The following LUZP2 variants were observed in gnomAD, a reference collection of about 807,000 sequenced individuals.
LUZP2 encodes the protein leucine zipper protein 2.
A neutral mutation model predicts 51.6 loss-of-function variants in LUZP2; 52 were observed. The ratio of observed to expected loss-of-function variants is 1.01; its 90% CI spans 0.81 to 1.27. LUZP2 has a LOEUF of 1.27. Among genes scored for constraint, LUZP2 ranks in the 50% most tolerant of loss-of-function variants. The pLI, the probability that LUZP2 is intolerant of heterozygous loss-of-function variation, is 0.00. For missense variants in LUZP2, 436 were observed against 395.4 expected, an observed-to-expected ratio of 1.10 and a Z score of -0.87; for synonymous variants, 154 against 137.3, an observed-to-expected ratio of 1.12 and a Z score of -0.85.
chr11:24,911,528 C>T (rs566762263), intron 6 of LUZP2, among the ~76,000 whole-genome samples: 33 of 152,086 alleles, frequency 2.2e-4, no homozygotes, highest in Non-Finnish European at 3.5e-4. Context: ...AAGCATCTGG[C>T]ATTTCCCCTG....
intron 7 of LUZP2, among the ~76,000 whole-genome samples, chr11:24,951,172 G>A (rs1340192908): frequency 1.3e-5 from 2 of 151,460 alleles, no homozygotes; most frequent in African/African-American, 4.8e-5. Flanking sequence ...CTGAATGCTG[G>A]GTATCAGGTG....
chr11:24,853,038 T>C (rs368416542), intron 5 of LUZP2, among the ~76,000 whole-genome samples: 1 of 152,218 alleles, frequency 6.6e-6, no homozygotes, highest in Non-Finnish European at 1.5e-5. Context: ...TTTGGCAGTC[T>C]GTGTCTTTTA....
intron 1 of LUZP2, among the ~76,000 whole-genome samples, chr11:24,667,184 C>CTTTTTTTTTTT (rs199740839): frequency 1.3e-4 from 17 of 132,046 alleles, no homozygotes; most frequent in African/African-American, 2.0e-4. Flanking sequence ...TTCTTTTTTT[C>CTTTTTTTTTTT]TTTTTTTTTT....
chr11:25,030,176 A>T (rs1857604560), intron 9 of LUZP2, among the ~76,000 whole-genome samples: 1 of 152,152 alleles, frequency 6.6e-6, no homozygotes, highest in Non-Finnish European at 1.5e-5. Context: ...AGTATTGATT[A>T]TTCTGAATTT....
chr11:24,927,754 T>G (rs529168975), intron 7 of LUZP2, among the ~76,000 whole-genome samples: 2 of 152,020 alleles, frequency 1.3e-5, no homozygotes, highest in South Asian at 4.2e-4. Context: ...TTTTAGAAAT[T>G]TTTTTCTACT....
At chr11:24,700,935 C>T (rs1053961889) in intron 1 of LUZP2, among the ~76,000 whole-genome samples, 1 of 152,096 alleles carries the variant, frequency 6.6e-6, no homozygotes, top group African/African-American at 2.4e-5. Flanking sequence ...CCTCAATGAG[C>T]TCTTCAACTT....
chr11:24,990,155 A>G (rs1489689298), intron 9 of LUZP2, among the ~76,000 whole-genome samples: 1 of 151,928 alleles, frequency 6.6e-6, no homozygotes, highest in Non-Finnish European at 1.5e-5. Flanking sequence ...CCTAAACCTA[A>G]ATGAATGCAC....
intron 1 of LUZP2, among the ~76,000 whole-genome samples, chr11:24,695,495 A>T (rs1019752519): frequency 1.3e-5 from 2 of 152,068 alleles, no homozygotes; most frequent in Non-Finnish European, 2.9e-5. Flanking sequence ...TCTTCTAATT[A>T]TTCTGAAATA....
chr11:24,499,604 G>A (rs773624756), intron 1 of LUZP2, among the ~76,000 whole-genome samples: 3 of 152,138 alleles, frequency 2.0e-5, no homozygotes, highest in Non-Finnish European at 4.4e-5. Flanking sequence ...CAGTAGTCCT[G>A]TATGTGAAGC....
chr11:24,759,796 T>A (rs1859915559), intron 4 of LUZP2, among the ~76,000 whole-genome samples: 2 of 152,170 alleles, frequency 1.3e-5, no homozygotes, highest in Admixed American at 6.6e-5. Context: ...TAATTTTGAA[T>A]GGGGTTAGGT....
intron 1 of LUZP2, among the ~76,000 whole-genome samples, chr11:24,692,095 T>G (rs1320988729): frequency 1.3e-5 from 2 of 152,198 alleles, no homozygotes; most frequent in South Asian, 2.1e-4. Flanking sequence ...TTTTACGTTT[T>G]TTTTTTCTAT....
chr11:24,771,478 C>A (rs1479155349), intron 5 of LUZP2, among the ~76,000 whole-genome samples: 1 of 147,556 alleles, frequency 6.8e-6, no homozygotes, highest in East Asian at 2.0e-4. Context: ...AGAAACCTAC[C>A]TTCCATAGCA....
chr11:24,723,539 A>C (rs1858356938), intron 1 of LUZP2, among the ~76,000 whole-genome samples: 1 of 152,230 alleles, frequency 6.6e-6, no homozygotes, highest in Non-Finnish European at 1.5e-5. Context: ...AAAAATTAAT[A>C]AACTGGCTGG....
chr11:24,931,477 AG>A (rs1406626323), intron 7 of LUZP2, among the ~76,000 whole-genome samples: 3 of 152,142 alleles, frequency 2.0e-5, no homozygotes, highest in African/African-American at 7.2e-5. Flanking sequence ...AAATAGGCCC[AG>A]GGGACTGGCA....
intron 5 of LUZP2, among the ~76,000 whole-genome samples, chr11:24,777,652 T>C (rs1452622335): frequency 1.3e-5 from 2 of 152,186 alleles, no homozygotes; most frequent in African/African-American, 4.8e-5. Flanking sequence ...ATTTATACAA[T>C]TTTTGTACAA....
chr11:25,055,871 A>AG (rs1428756262), intron 10 of LUZP2, among the ~76,000 whole-genome samples: 1 of 152,130 alleles, frequency 6.6e-6, no homozygotes, highest in Non-Finnish European at 1.5e-5. Flanking sequence ...TGAAAAAGAG[A>AG]GATAAATATC....
intron 10 of LUZP2, among the ~76,000 whole-genome samples, chr11:25,063,334 C>A (rs1858903403): frequency 6.6e-6 from 1 of 151,556 alleles, no homozygotes; most frequent in Non-Finnish European, 1.5e-5. Context: ...TGGAAGAAAT[C>A]TCCAGCTGAT....
At chr11:25,010,720 A>T (rs76374957) in intron 9 of LUZP2, among the ~76,000 whole-genome samples, 16 of 151,996 alleles carry the variant, frequency 1.1e-4, no homozygotes, top group Admixed American at 4.6e-4. Context: ...GGTGGGGCAC[A>T]CATGTAGTCC....
chr11:24,966,568 A>G (rs780759398), intron 7 of LUZP2, among the ~76,000 whole-genome samples: 7 of 149,698 alleles, frequency 4.7e-5, no homozygotes, highest in Non-Finnish European at 7.4e-5. Flanking sequence ...GAATAGTGTG[A>G]GGAAAAGATC....
Sources: allele counts gnomAD v4.1 joint callset (sites outside exome capture counted in the v4.1 genomes callset), GRCh38; gene constraint gnomAD v4.1.1; transcripts MANE v1.5; gene names NCBI Gene and HGNC (gene_info 2026-07-23, HGNC 2026-07-21).